COL5A1: variants seen among roughly 807,000 people sequenced by gnomAD.
The protein encoded by COL5A1 is collagen alpha-1(V) chain.
Under a neutral mutation model 263.7 loss-of-function variants are expected in COL5A1, and 16 were observed. The ratio of observed to expected loss-of-function variants is 0.06; its 90% CI spans 0.04 to 0.09. COL5A1 has a LOEUF of 0.09. COL5A1 is among the 10% of genes least tolerant of loss of function. The pLI is 1.00. For missense variants in COL5A1, 2,036 were observed against 2,540.5 expected, an observed-to-expected ratio of 0.80 and a Z score of 4.27; for synonymous variants, 1,012 against 1,004.5, an observed-to-expected ratio of 1.01 and a Z score of -0.14.
intron 1 of COL5A1, among the ~76,000 whole-genome samples, chr9:134,685,513 T>TCA (rs1833027276): frequency 9.4e-6 from 1 of 106,102 alleles, no homozygotes; most frequent in African/African-American, 3.8e-5. Flanking sequence ...TCCATCACCA[T>TCA]CCATCCATCC....
chr9:134,804,995 C>T lies in COL5A1; in HGVS notation c.3135C>T (p.Gly1045=). 6.2e-7 allele frequency: 1 copy of T among 1,613,866 alleles called. No individual in the cohort carries two copies. Among genetic ancestry groups the T allele is most frequent in the Non-Finnish European group, 8.5e-7 (1 of 1,179,984 alleles). The part of the protein sequence containing the change: ...EGTKGDPGPA[G]LPGKDGPPGL... ...TTCAGGGTGACCCAGGCCCTGCAGGCCTCCCTGGGAAAGATGGCCCTCCAG... is the reference window on the plus strand; with the variant it reads ...TTCAGGGTGACCCAGGCCCTGCAGGTCTCCCTGGGAAAGATGGCCCTCCAG... The change falls in exon 40 of 66, where the codon GGC becomes GGT. Residue 1045 remains glycine, a synonymous_variant. Transcript: ENST00000371817.
chr9:134,834,819 T>G (rs1294070652), intron 64 of COL5A1, 152 bp from the exon 65 acceptor site: 1 of 649,702 alleles, frequency 1.5e-6, no homozygotes, highest in Admixed American at 2.3e-5. Context: ...CCATGTGCGC[T>G]GGCCTCGGCC....
intron 9 of COL5A1, among the ~76,000 whole-genome samples, chr9:134,735,357 A>G (rs956340006): frequency 1.3e-5 from 2 of 152,182 alleles, no homozygotes; most frequent in Non-Finnish European, 2.9e-5. Flanking sequence ...AAAAGTGCCT[A>G]AAGTGTACTC....
rs114244091 is a variant in COL5A1, at chr9:134,661,972, C to T, written c.109+19676C>T. ...GTTGTGAGTGCTCCATGCTGAAAGC[C>T]GCCTTCTCTGGGGCGGTTACTCACG... On this transcript the variant is annotated intron_variant, in intron 1 of 65. Transcript: ENST00000371817. 2.3e-3 allele frequency among the ~76,000 whole-genome samples: 346 copies of T among 152,188 alleles called. 4 individuals are homozygous for T. The highest frequency in any genetic ancestry group is 7.7e-3 in the African/African-American group (318 of 41,512).
Position 134,730,426 on chromosome 9 carries a change from C to T in COL5A1, c.1115C>T (p.Ala372Val). ...CCCGACCAGCCCACAGACCCAGGCG[C>T]TGGGGCCGAAATTCCCACCAGCACC... ...ENPDQPTDPG[A>V]GAEIPTSTAD... Residue 372 changes from alanine (A) to valine (V), a missense_variant, in exon 7 of 66, where the codon GCT becomes GTT. This residue lies in a region of COL5A1 where 600 missense variants were observed against 634.5 expected (regional missense o/e 0.95). Coordinates refer to ENST00000371817, the MANE Select transcript of COL5A1 (RefSeq NM_000093.5). 6.2e-7 allele frequency: 1 copy of T among 1,614,154 alleles called. No individual in the cohort carries two copies. The highest frequency in any genetic ancestry group is 1.1e-5 in the South Asian group (1 of 91,090).
intron 9 of COL5A1, among the ~76,000 whole-genome samples, chr9:134,737,185 A>C (rs1413199826): frequency 6.6e-6 from 1 of 152,214 alleles, no homozygotes; most frequent in African/African-American, 2.4e-5. Context: ...CAGGCTGTCC[A>C]TGCCACACTT....
At chr9:134,668,773 T>A (rs1406659360) in intron 1 of COL5A1, among the ~76,000 whole-genome samples, 1 of 152,008 alleles carries the variant, frequency 6.6e-6, no homozygotes, top group Non-Finnish European at 1.5e-5. Flanking sequence ...ATACTCCATG[T>A]GTCCATATAC....
At chr9:134,838,494 C>CCG (rs1839917980) in intron 65 of COL5A1, among the ~76,000 whole-genome samples, 1 of 152,222 alleles carries the variant, frequency 6.6e-6, no homozygotes, top group Admixed American at 6.5e-5. Context: ...GCCGTCCAGA[C>CCG]CGCGCCACCT....
At position 134,677,355 on chromosome 9, in the gene COL5A1, G is replaced by A. The variant is rs1832710960; in HGVS notation, c.110-13557G>A. ...GCTCAGGGTGGTGGAGCTGCCCTTG[G>A]TTCTCAGGTACATCCTTGTGCTGGG... On this transcript the variant is annotated intron_variant, in intron 1 of 65. Coordinates refer to ENST00000371817, the MANE Select transcript of COL5A1 (RefSeq NM_000093.5). This position sits in a 1 kb window ranked among gnomAD's most constrained non-coding sequence, Gnocchi z 4.4. Among the ~76,000 whole-genome samples the A allele has an allele frequency of 6.6e-6, 1 of 152,112 alleles. No individual in the cohort carries two copies.
In COL5A1 at chr9:134,843,730, G is replaced by GTGTT. The variant is rs1830168002; in HGVS notation, c.*1432_*1435dup. On this transcript the variant is annotated 3_prime_UTR_variant, in exon 66 of 66. Coordinates refer to ENST00000371817, the MANE Select transcript of COL5A1 (RefSeq NM_000093.5). ...CTGAATGTTTGTGGTGCTAATTTCT[G>GTGTT]TGTTTGTTCCAAGCCGTTCAGTCAT... 6.5e-6 allele frequency: 1 copy of GTGTT among 152,850 alleles called. No individual in the cohort carries two copies. The highest frequency in any genetic ancestry group is 1.9e-4 in the East Asian group (1 of 5,188). 9.5% of individuals were successfully genotyped at this position (152,850 alleles called of 1,614,324 possible). A position where few individuals can be genotyped will look rare whatever the true frequency, so the allele number is the denominator to read the frequency against.
intron 1 of COL5A1, among the ~76,000 whole-genome samples, chr9:134,690,538 CTGGGTG>C (rs1168487537): frequency 1.3e-5 from 2 of 152,206 alleles, no homozygotes; most frequent in Non-Finnish European, 2.9e-5. Context: ...GTCTGGGAGG[CTGGGTG>C]TGTGGCCCCT....
At chr9:134,701,463 T>G (rs917779179) in intron 4 of COL5A1, 130 bp downstream of exon 4, 20 of 908,754 alleles carry the variant, frequency 2.2e-5, no homozygotes, top group Non-Finnish European at 3.5e-5. Context: ...CCGTCTCTGT[T>G]GGTCAGAAGC....
At position 134,732,168 on chromosome 9, in the gene COL5A1, C is replaced by T. The variant is rs199783056; in HGVS notation, c.1389+41C>T. 1.5e-4 allele frequency: 234 copies of T among 1,609,478 alleles called. 3 individuals carry two copies. The Middle Eastern group carries it at 1.5e-3, about 11-fold the overall frequency. On this transcript the variant is annotated intron_variant, in intron 9 of 65. Coordinates refer to ENST00000371817, the MANE Select transcript of COL5A1 (RefSeq NM_000093.5). ...CATTCCCTCCCTGCGCCGGGGTGTC[C>T]GCTGCTCGGGGTCACAGCGGGGTGT...
intron 19 of COL5A1, among the ~76,000 whole-genome samples, 158 bp from the exon 20 acceptor site, chr9:134,763,535 C>CG (rs1836546580): frequency 1.3e-5 from 2 of 152,228 alleles, no homozygotes; most frequent in African/African-American, 2.4e-5. Context: ...TTGCTGGGAG[C>CG]GAGGACATTC....
At chr9:134,733,669 G>T (rs925646422) in intron 9 of COL5A1, among the ~76,000 whole-genome samples, 1 of 152,220 alleles carries the variant, frequency 6.6e-6, no homozygotes, top group Non-Finnish European at 1.5e-5. Context: ...AGCAGCTGTG[G>T]GGGAGAGTGA....
intron 63 of COL5A1, among the ~76,000 whole-genome samples, chr9:134,828,479 C>G (rs1008993985): frequency 1.3e-5 from 2 of 151,470 alleles, no homozygotes; most frequent in Admixed American, 6.6e-5. Flanking sequence ...ACACACCACA[C>G]GCACAGATAC....
intron 4 of COL5A1, among the ~76,000 whole-genome samples, chr9:134,720,906 C>CGGGG (rs1834425828): frequency 2.0e-5 from 3 of 152,176 alleles, no homozygotes; most frequent in African/African-American, 7.2e-5. Context: ...GCATCCACAG[C>CGGGG]TGCCTTCAAG....
Position 134,700,437 on chromosome 9 carries a change from C to T in COL5A1, c.491+315C>T, listed in dbSNP as rs547024743. The stretch of plus-strand genomic sequence containing the variant: ...GGACACAGGAAATTGTGAGGTTATA[C>T]CCAACCTTTTCCAGAAAGGATTTCA... On this transcript the variant is annotated intron_variant, in intron 3 of 65. Transcript: ENST00000371817. This position sits in a 1 kb window ranked among gnomAD's most constrained non-coding sequence, Gnocchi z 4.0. 4.6e-5 allele frequency among the ~76,000 whole-genome samples: 7 copies of T among 152,208 alleles called. No individual in the cohort carries two copies. The highest frequency in any genetic ancestry group is 1.0e-4 in the Non-Finnish European group (7 of 68,048).
At chr9:134,836,458 G>A (rs1489883065) in intron 65 of COL5A1, among the ~76,000 whole-genome samples, 1 of 152,226 alleles carries the variant, frequency 6.6e-6, no homozygotes, top group Non-Finnish European at 1.5e-5. Flanking sequence ...CCTGAGATTT[G>A]GAAGGGATGA....
Sources: allele counts gnomAD v4.1 joint callset (sites outside exome capture counted in the v4.1 genomes callset), GRCh38; gene constraint gnomAD v4.1.1; regional missense constraint gnomAD v4.1.1; non-coding constraint Gnocchi (gnomAD v3.1); transcripts MANE v1.5; gene names NCBI Gene and HGNC (gene_info 2026-07-23, HGNC 2026-07-21).